The following RPS6KC1 variants were observed in gnomAD, a reference collection of about 807,000 sequenced individuals.
RPS6KC1 encodes the protein ribosomal protein S6 kinase C1.
A neutral mutation model predicts 103.8 loss-of-function variants in RPS6KC1; 54 were observed. The ratio of observed to expected loss-of-function variants is 0.52; its 90% CI spans 0.42 to 0.65. RPS6KC1 has a LOEUF of 0.65. Ranked by LOEUF, RPS6KC1 falls within the 30% of genes least tolerant of loss-of-function variation. The pLI is 0.00. For synonymous variants in RPS6KC1, 439 were observed against 438.7 expected, an observed-to-expected ratio of 1.00 and a Z score of -0.01; for missense variants, 1,151 against 1,253.8, an observed-to-expected ratio of 0.92 and a Z score of 1.24.
At chr1:213,793,828 T>C in the RPS6KC1 span, among the ~76,000 whole-genome samples, 2 of 152,166 alleles carry the variant, frequency 1.3e-5, no homozygotes, top group Non-Finnish European at 2.9e-5. Flanking sequence ...AAGTAGGACT[T>C]TAAAGGCAGC....
chr1:213,237,891 T>A (rs2094259434), intron 10 of RPS6KC1, among the ~76,000 whole-genome samples: 1 of 152,098 alleles, frequency 6.6e-6, no homozygotes, highest in Non-Finnish European at 1.5e-5. Flanking sequence ...AGGTTTTTTT[T>A]AAGGTTAATA....
intron 8 of RPS6KC1, among the ~76,000 whole-genome samples, chr1:213,222,159 T>C (rs114933353): frequency 0.013 from 1,919 of 152,300 alleles, 25 homozygotes; most frequent in South Asian, 0.028. Context: ...ACAGGGAACA[T>C]TGCTAACCTT....
the RPS6KC1 span, among the ~76,000 whole-genome samples, chr1:213,824,560 T>C: frequency 7.2e-5 from 11 of 152,324 alleles, no homozygotes; most frequent in Admixed American, 6.5e-4. Flanking sequence ...TTGTCTTGAA[T>C]TCCCACATGT....
the RPS6KC1 span, among the ~76,000 whole-genome samples, chr1:213,751,642 C>G: frequency 6.6e-6 from 1 of 152,140 alleles, no homozygotes; most frequent in South Asian, 2.1e-4. Context: ...CAGATATTAA[C>G]TGCTAGGAAG....
At chr1:213,654,584 A>G in the RPS6KC1 span, among the ~76,000 whole-genome samples, 1 of 152,232 alleles carries the variant, frequency 6.6e-6, no homozygotes, top group Admixed American at 6.5e-5. Flanking sequence ...AATGTCTCAA[A>G]ACACCATGGA....
Position 213,069,502 on chromosome 1 carries a change from T to C in RPS6KC1, c.106-1504T>C, listed in dbSNP as rs2078674594. Reference sequence around the variant, plus strand: ...CAAACCTGTAAGAGGAACTGTAATTTGAACCAAGGTTTGTCTGACTTTACA... The same window carrying C: ...CAAACCTGTAAGAGGAACTGTAATTCGAACCAAGGTTTGTCTGACTTTACA... On this transcript the variant is annotated intron_variant, in intron 1 of 14. Coordinates refer to ENST00000366960, the MANE Select transcript of RPS6KC1 (RefSeq NM_012424.6). Among the ~76,000 whole-genome samples, 3 of 152,208 alleles carry C rather than the reference T, an allele frequency of 2.0e-5. No individual in the cohort carries two copies. In the South Asian group the frequency reaches 6.2e-4, roughly 32 times the overall value.
the RPS6KC1 span, among the ~76,000 whole-genome samples, chr1:213,352,391 A>G: frequency 6.6e-6 from 1 of 152,328 alleles, no homozygotes; most frequent in South Asian, 2.1e-4. Flanking sequence ...CATGCAAATG[A>G]TGAAAAATTA....
the RPS6KC1 span, among the ~76,000 whole-genome samples, chr1:213,282,920 A>G: frequency 1.3e-5 from 2 of 152,218 alleles, no homozygotes; most frequent in Non-Finnish European, 2.9e-5. Flanking sequence ...GGCAAATGAT[A>G]TGCTCTGTGT....
At chr1:213,636,689 C>G in the RPS6KC1 span, among the ~76,000 whole-genome samples, 2 of 152,166 alleles carry the variant, frequency 1.3e-5, no homozygotes, top group Non-Finnish European at 2.9e-5. Flanking sequence ...CAATACCACT[C>G]AGGACATAGG....
chr1:213,267,958 A>G (rs924164304), intron 14 of RPS6KC1, among the ~76,000 whole-genome samples: 3 of 151,984 alleles, frequency 2.0e-5, no homozygotes, highest in African/African-American at 7.2e-5. Context: ...ATGTACCAGT[A>G]TACATATAAT....
At chr1:213,646,503 A>G in the RPS6KC1 span, among the ~76,000 whole-genome samples, 1 of 152,186 alleles carries the variant, frequency 6.6e-6, no homozygotes, top group East Asian at 1.9e-4. Context: ...TGTTCTGTGC[A>G]GTACCATCAG....
At chr1:213,733,180 C>T in the RPS6KC1 span, among the ~76,000 whole-genome samples, 1 of 151,746 alleles carries the variant, frequency 6.6e-6, no homozygotes, top group African/African-American at 2.4e-5. Context: ...ATGGCTGGAC[C>T]ATATGGTATT....
chr1:213,508,109 C>T, the RPS6KC1 span, among the ~76,000 whole-genome samples: 6 of 152,162 alleles, frequency 3.9e-5, no homozygotes, highest in Non-Finnish European at 8.8e-5. Flanking sequence ...ACTTTCACTC[C>T]TGTTCCCAAT....
chr1:213,145,119 T>C (rs752553996), intron 6 of RPS6KC1, among the ~76,000 whole-genome samples: 34 of 152,142 alleles, frequency 2.2e-4, no homozygotes, highest in Admixed American at 3.9e-4. Context: ...TAACAGTCTT[T>C]CCTGAAGCAA....
the RPS6KC1 span, among the ~76,000 whole-genome samples, chr1:213,536,798 G>T: frequency 6.6e-6 from 1 of 152,322 alleles, no homozygotes; most frequent in Non-Finnish European, 1.5e-5. Context: ...CCTCAATAGG[G>T]AGGCACCAGG....
At chr1:213,443,208 G>A in the RPS6KC1 span, among the ~76,000 whole-genome samples, 1 of 152,172 alleles carries the variant, frequency 6.6e-6, no homozygotes, top group Non-Finnish European at 1.5e-5. Context: ...CGATGGCAGA[G>A]CCAGCCCATA....
At chr1:213,568,176 G>T in the RPS6KC1 span, among the ~76,000 whole-genome samples, 2 of 152,166 alleles carry the variant, frequency 1.3e-5, no homozygotes, top group Non-Finnish European at 2.9e-5. Context: ...CCTTCTATTT[G>T]ACTGTAAAGA....
chr1:213,464,740 CTGTT>C, the RPS6KC1 span, among the ~76,000 whole-genome samples: 1 of 149,992 alleles, frequency 6.7e-6, no homozygotes, highest in Non-Finnish European at 1.5e-5. Flanking sequence ...ATGTCGTATT[CTGTT>C]TGTTTTTCAT....
At chr1:213,397,337 C>G in the RPS6KC1 span, among the ~76,000 whole-genome samples, 2 of 152,116 alleles carry the variant, frequency 1.3e-5, no homozygotes, top group African/African-American at 4.8e-5. Context: ...TTCTTCTCCC[C>G]ACAAACCTTC....
Sources: allele counts gnomAD v4.1 joint callset (sites outside exome capture counted in the v4.1 genomes callset), GRCh38; gene constraint gnomAD v4.1.1; transcripts MANE v1.5; gene names NCBI Gene and HGNC (gene_info 2026-07-23, HGNC 2026-07-21).